The following AFF3 variants were observed in gnomAD, a reference collection of about 807,000 sequenced individuals.
AFF3 encodes the protein ALF transcription elongation factor 3, also known as AF4/FMR2 family member 3.
Under a neutral mutation model 129.7 loss-of-function variants are expected in AFF3, and 32 were observed. The ratio of observed to expected loss-of-function variants is 0.25; its 90% CI spans 0.19 to 0.33. The LOEUF is 0.33. Among genes scored for constraint, AFF3 ranks in the 10% least tolerant of loss-of-function variants. The pLI, the probability that AFF3 is intolerant of heterozygous loss-of-function variation, is 1.00. For missense variants in AFF3, 1,373 were observed against 1,592.0 expected (o/e 0.86, Z 2.34); for synonymous variants, 644 against 635.4 (o/e 1.01, Z -0.20).
chr2:99,720,575 A>T (rs1002415412), intron 11 of AFF3, among the ~76,000 whole-genome samples: 1 of 152,106 alleles, frequency 6.6e-6, no homozygotes, highest in Non-Finnish European at 1.5e-5. Flanking sequence ...ACCACCCAGG[A>T]TCAGGTATTC....
intron 8 of AFF3, among the ~76,000 whole-genome samples, chr2:99,795,587 G>C (rs1685502835): frequency 6.6e-6 from 1 of 152,116 alleles, no homozygotes; most frequent in African/African-American, 2.4e-5. Flanking sequence ...AAACCAGGAT[G>C]ATCACAGGAA....
intron 7 of AFF3, among the ~76,000 whole-genome samples, chr2:99,899,106 T>C (rs1227263651): frequency 6.6e-6 from 1 of 152,238 alleles, no homozygotes; most frequent in Admixed American, 6.5e-5. Context: ...TTGACATGTC[T>C]GGATTTTGGC....
rs983528532 is a variant in AFF3 at position 99,606,761 on chromosome 2, A to G, written c.1185-5140T>C. 3.3e-5 allele frequency among the ~76,000 whole-genome samples: 5 copies of G among 151,938 alleles called. No homozygotes were observed. In the East Asian group the frequency reaches 7.8e-4, roughly 24 times the overall value. ...AACCCCGTCTCTACTAAAAATACAA[A>G]AAGTTAGCCAGACATGGTGGCAGGC... On this transcript the variant is annotated intron_variant, in intron 13 of 24. Coordinates refer to ENST00000672756, the MANE Select transcript of AFF3 (RefSeq NM_001386135.1).
chr2:100,092,808 T>C (rs1415453332), intron 4 of AFF3, among the ~76,000 whole-genome samples: 1 of 151,694 alleles, frequency 6.6e-6, no homozygotes, highest in Non-Finnish European at 1.5e-5. Context: ...TAGGAAATCA[T>C]CCCTAAAATA....
intron 11 of AFF3, among the ~76,000 whole-genome samples, chr2:99,698,040 T>A (rs551126752): frequency 6.6e-6 from 1 of 152,200 alleles, no homozygotes; most frequent in Non-Finnish European, 1.5e-5. Context: ...TAATTCCAAG[T>A]GTGTATCATC....
At chr2:99,714,021 C>T (rs536940227) in intron 11 of AFF3, among the ~76,000 whole-genome samples, 1 of 152,244 alleles carries the variant, frequency 6.6e-6, no homozygotes, top group South Asian at 2.1e-4. Flanking sequence ...ATTTTATAAA[C>T]TCTCTTTTAC....
At chr2:100,063,944 C>T (rs973835376) in intron 4 of AFF3, among the ~76,000 whole-genome samples, 1 of 151,926 alleles carries the variant, frequency 6.6e-6, no homozygotes. Context: ...ACAAACTTAG[C>T]CGGGCATGGT....
chr2:99,793,344 G>T (rs1424238597), intron 8 of AFF3, among the ~76,000 whole-genome samples: 1 of 152,144 alleles, frequency 6.6e-6, no homozygotes. Flanking sequence ...AGAACCCCGA[G>T]CCCAAACAAA....
chr2:99,695,594 G>A (rs1676133231), intron 11 of AFF3, among the ~76,000 whole-genome samples: 1 of 152,086 alleles, frequency 6.6e-6, no homozygotes, highest in Non-Finnish European at 1.5e-5. Flanking sequence ...CCACAGTCAG[G>A]GCTGCCACAC....
chr2:99,550,762 G>A lies in AFF3; in HGVS notation c.*712C>T. Reference sequence around the variant, plus strand: ...CATTTGCATACTACTTGGAGGTGGGGCTGGGAAGGGCTGTGAGTGTCCATC... The same window carrying A: ...CATTTGCATACTACTTGGAGGTGGGACTGGGAAGGGCTGTGAGTGTCCATC... On this transcript the variant is annotated 3_prime_UTR_variant, in exon 25 of 25. Coordinates refer to ENST00000672756, the MANE Select transcript of AFF3 (RefSeq NM_001386135.1). 1 of 233,526 alleles carries A rather than the reference G, an allele frequency of 4.3e-6. No individual in the cohort carries two copies. Among genetic ancestry groups the A allele is most frequent in the Non-Finnish European group, 8.5e-6 (1 of 118,252 alleles). The allele number at this position is 233,526 out of a possible 1,614,324, so 14.5% of individuals were successfully genotyped here.
In AFF3 at chr2:99,744,139, T is replaced by C; in HGVS notation, c.1004A>G (p.Asp335Gly). Residue 335 changes from aspartate (D) to glycine (G), a missense_variant and splice_region_variant, in exon 10 of 25, where the codon GAC becomes GGC. Transcript: ENST00000672756. ...EPTKFPFPNK[D>G]SQLVSSGHNN... ...GTGTCCAGAGGATACAAGCTGAGAGTCCTGAAAGAACAAGAAATATCAATT... is the reference window on the plus strand; with the variant it reads ...GTGTCCAGAGGATACAAGCTGAGAGCCCTGAAAGAACAAGAAATATCAATT... 2 of 1,600,214 alleles carry C rather than the reference T, an allele frequency of 1.2e-6. No homozygotes were observed. Among genetic ancestry groups the C allele is most frequent in the East Asian group, 4.5e-5 (2 of 44,036 alleles).
chr2:99,705,889 A>C lies in AFF3; in HGVS notation c.1091+21188T>G, dbSNP rs528047041. Among the ~76,000 whole-genome samples, 397 of 151,088 alleles carry C rather than the reference A, an allele frequency of 2.6e-3. 6 individuals carry two copies. The highest frequency in any genetic ancestry group is 9.2e-3 in the African/African-American group (378 of 40,994). On this transcript the variant is annotated intron_variant, in intron 11 of 24. Coordinates refer to ENST00000672756, the MANE Select transcript of AFF3 (RefSeq NM_001386135.1). Reference sequence around the variant, plus strand: ...AACTGCGCCTCAAAAAAAAAAAAAAAAAAAAAAAAAACACGCCCTTTGGGT... The same window carrying C: ...AACTGCGCCTCAAAAAAAAAAAAAACAAAAAAAAAAACACGCCCTTTGGGT...
At chr2:99,697,396 C>A (rs183173536) in intron 11 of AFF3, among the ~76,000 whole-genome samples, 44 of 152,290 alleles carry the variant, frequency 2.9e-4, no homozygotes, top group African/African-American at 1.0e-3. Context: ...AGATATCTTA[C>A]TTTGAAAAGG....
intron 2 of AFF3, among the ~76,000 whole-genome samples, chr2:100,113,691 G>A (rs1234497617): frequency 6.6e-6 from 1 of 152,170 alleles, no homozygotes; most frequent in Non-Finnish European, 1.5e-5. Context: ...CACTCCTAAA[G>A]GGCTTAATAC....
At chr2:99,811,621 G>A (rs1488777620) in intron 8 of AFF3, among the ~76,000 whole-genome samples, 4 of 152,198 alleles carry the variant, frequency 2.6e-5, no homozygotes, top group Admixed American at 1.3e-4. Context: ...TCAATAAAGT[G>A]CATAAAGTAT....
intron 13 of AFF3, among the ~76,000 whole-genome samples, chr2:99,607,096 G>T (rs982395075): frequency 6.6e-6 from 1 of 152,118 alleles, no homozygotes; most frequent in East Asian, 1.9e-4. Context: ...GGCTGGTTTT[G>T]TGAGTGGTCA....
At chr2:99,636,178 G>A (rs374357383) in intron 13 of AFF3, among the ~76,000 whole-genome samples, 5 of 152,324 alleles carry the variant, frequency 3.3e-5, no homozygotes, top group African/African-American at 1.2e-4. Flanking sequence ...GCATTAGCCA[G>A]GCTGAATAGG....
chr2:99,769,010 C>T (rs759967346), intron 8 of AFF3, among the ~76,000 whole-genome samples: 79 of 152,200 alleles, frequency 5.2e-4, no homozygotes, highest in Middle Eastern at 3.4e-3. Context: ...TGGTCTCTAA[C>T]CTTCTTGTCC....
intron 13 of AFF3, among the ~76,000 whole-genome samples, chr2:99,646,958 A>G (rs1558692586): frequency 6.6e-6 from 1 of 152,212 alleles, no homozygotes; most frequent in Non-Finnish European, 1.5e-5. Flanking sequence ...TAGAGAATAG[A>G]CAATAGAAAA....
Sources: allele counts gnomAD v4.1 joint callset (sites outside exome capture counted in the v4.1 genomes callset), GRCh38; gene constraint gnomAD v4.1.1; transcripts MANE v1.5; gene names NCBI Gene and HGNC (gene_info 2026-07-23, HGNC 2026-07-21).